HAUS3: variants seen among roughly 807,000 people sequenced by gnomAD.
HAUS3 encodes the protein HAUS augmin-like complex subunit 3.
Under a neutral mutation model 55.2 loss-of-function variants are expected in HAUS3, and 36 were observed. That is an observed-to-expected ratio of 0.65 (90% CI 0.50 to 0.86). The LOEUF is 0.86. Among genes scored for constraint, HAUS3 ranks in the 40% least tolerant of loss-of-function variants. The probability of loss-of-function intolerance (pLI) is 0.00; values close to 1 mark genes in which losing one functional copy is unlikely to be tolerated. For missense variants in HAUS3, 752 were observed against 671.5 expected (o/e 1.12, Z -1.33); for synonymous variants, 234 against 238.6 (o/e 0.98, Z 0.18).
In HAUS3 at chr4:2,230,784, C is replaced by T. The variant is rs1200140277; in HGVS notation, c.*1143G>A. On this transcript the variant is annotated 3_prime_UTR_variant, in exon 6 of 6. Coordinates refer to ENST00000443786, the MANE Select transcript of HAUS3 (RefSeq NM_001303143.2). ...TCCTACAAAGCTCACATGGTATTTA[C>T]CACAGGCCATGTATAAATTGGGCAC... 6.6e-6 allele frequency: 1 copy of T among 152,034 alleles called. No individual in the cohort carries two copies. The highest frequency in any genetic ancestry group is 1.5e-5 in the Non-Finnish European group (1 of 68,034). 9.4% of individuals were successfully genotyped at this position (152,034 alleles called of 1,614,324 possible).
rs1343707743 is a variant in HAUS3 at position 2,228,973 on chromosome 4, A to G, written c.*2954T>C. The G allele has an allele frequency of 5.7e-6, 5 of 872,084 alleles. No individual in the cohort carries two copies. The African/African-American group carries it at 7.0e-5, about 12-fold the overall frequency. The allele number at this position is 872,084 out of a possible 1,614,324, so 54.0% of individuals were successfully genotyped here. ...CAAGCAGAAGCTCAGTCTGCACTGA[A>G]TGAGTGTAAAAGGGGCGGGAGCTGG... is the stretch of plus-strand genomic sequence containing the variant. On this transcript the variant is annotated 3_prime_UTR_variant, in exon 6 of 6. Transcript: ENST00000443786.
rs143565122 is a variant in HAUS3, at chr4:2,239,007, T to G, written c.946A>C (p.Ser316Arg). The G allele has an allele frequency of 1.3e-6, 2 of 1,545,048 alleles. No homozygotes were observed. Among genetic ancestry groups the G allele is most frequent in the South Asian group, 2.5e-5 (2 of 79,300 alleles). The change falls in exon 4 of 6, where the codon AGC (serine) becomes CGC (arginine). Residue 316 changes from serine (S) to arginine (R), a missense_variant. Coordinates refer to ENST00000443786, the MANE Select transcript of HAUS3 (RefSeq NM_001303143.2). ...AGTTTCATAATCTCACTGGTCAAGCTAGAAATTTTAGCATCCAAATTTTCT... is the reference window on the plus strand; with the variant it reads ...AGTTTCATAATCTCACTGGTCAAGCGAGAAATTTTAGCATCCAAATTTTCT... ...DKENLDAKIS[S>R]LTSEIMKLEK...
Position 2,236,333 on chromosome 4 carries a change from T to C in HAUS3, c.1473A>G (p.Val491=). The C allele has an allele frequency of 1.2e-6, 2 of 1,613,302 alleles. No homozygotes were observed. Among genetic ancestry groups the C allele is most frequent in the Non-Finnish European group, 1.7e-6 (2 of 1,179,298 alleles). The change falls in exon 5 of 6, where the codon GTA becomes GTG. Residue 491 remains valine, a synonymous_variant. Coordinates refer to ENST00000443786, the MANE Select transcript of HAUS3 (RefSeq NM_001303143.2). ...NISLVQDQLA[V]SAQEHSFFLS... is the part of the protein sequence containing the mutation. ...GAAAGAAAGAATGTTCTTGAGCAGATACTGCCAACTGATCTTGTACTAAAG... is the reference window on the plus strand; with the variant it reads ...GAAAGAAAGAATGTTCTTGAGCAGACACTGCCAACTGATCTTGTACTAAAG...
In HAUS3 at chr4:2,241,597, G is replaced by T; in HGVS notation, c.-225C>A. ...GGAGAACAGCAGGAGCAGCAGGGAA[G>T]CGCGCGGCCACAATTAAGGGTGCTT... On this transcript the variant is annotated 5_prime_UTR_variant, in exon 2 of 6. Transcript: ENST00000443786. 7 of 985,684 alleles carry T rather than the reference G, an allele frequency of 7.1e-6. No homozygotes were observed. The highest frequency in any genetic ancestry group is 7.2e-6 in the Non-Finnish European group (6 of 830,120). The allele number at this position is 985,684 out of a possible 1,614,324, so 61.1% of individuals were successfully genotyped here.
intron 4 of HAUS3, among the ~76,000 whole-genome samples, chr4:2,238,143 C>T (rs1734834026): frequency 6.6e-6 from 1 of 152,132 alleles, no homozygotes; most frequent in South Asian, 2.1e-4. Flanking sequence ...ATTGCTCAGA[C>T]ATCCAGATGA....
chr4:2,231,865 T>C lies in HAUS3; in HGVS notation c.*62A>G. The C allele has an allele frequency of 1.4e-6, 1 of 739,830 alleles. No homozygotes were observed. The highest frequency in any genetic ancestry group is 1.7e-5 in the South Asian group (1 of 58,282). The allele number at this position is 739,830 out of a possible 1,614,324, so 45.8% of individuals were successfully genotyped here. A position where few individuals can be genotyped will look rare whatever the true frequency, so the allele number is the denominator to read the frequency against. ...ATTTTAAAAATTTAGTAGTGTTTATTATACACAGTCTTCTAATAAATAAAA... is the reference window on the plus strand; with the variant it reads ...ATTTTAAAAATTTAGTAGTGTTTATCATACACAGTCTTCTAATAAATAAAA... On this transcript the variant is annotated 3_prime_UTR_variant, in exon 6 of 6. Transcript: ENST00000443786.
chr4:2,234,906 C>T (rs1734704506), intron 5 of HAUS3, among the ~76,000 whole-genome samples: 1 of 152,100 alleles, frequency 6.6e-6, no homozygotes, highest in Non-Finnish European at 1.5e-5. Context: ...TCTTTTTTGA[C>T]ACCAAGTCTT....
In HAUS3 at chr4:2,240,356, T is replaced by G. The variant is rs372049466; in HGVS notation, c.591A>C (p.Gln197His). ...GACTTAGGTATTTTTCCAAGGAAAA[T>G]TGCGATAAAAATACCAGTGGATTTG... ...QGTNPLVFLS[Q>H]FSLEKYLSQE... is the part of the protein sequence containing the mutation. Residue 197 changes from glutamine (Q) to histidine (H), a missense_variant, in exon 3 of 6, where the codon CAA becomes CAC. Coordinates refer to ENST00000443786, the MANE Select transcript of HAUS3 (RefSeq NM_001303143.2). 11 of 1,602,100 alleles carry G rather than the reference T, an allele frequency of 6.9e-6. No homozygotes were observed. The highest frequency in any genetic ancestry group is 9.4e-6 in the Non-Finnish European group (11 of 1,172,682).
intron 5 of HAUS3, among the ~76,000 whole-genome samples, chr4:2,233,253 C>A (rs1734647040): frequency 6.6e-6 from 1 of 152,094 alleles, no homozygotes; most frequent in Non-Finnish European, 1.5e-5. Flanking sequence ...CAATTAAATA[C>A]TAAAGATCAT....
chr4:2,233,719 TA>T (rs773997711), intron 5 of HAUS3, among the ~76,000 whole-genome samples: 1 of 152,200 alleles, frequency 6.6e-6, no homozygotes, highest in Non-Finnish European at 1.5e-5. Flanking sequence ...TACCTACATC[TA>T]AAAAGATCTT....
In HAUS3 at chr4:2,229,040, T is replaced by G. The variant is rs1734483783; in HGVS notation, c.*2887A>C. The G allele has an allele frequency of 6.7e-7, 1 of 1,492,064 alleles. No individual in the cohort carries two copies. The highest frequency in any genetic ancestry group is 2.0e-5 in the Admixed American group (1 of 51,262). The allele number at this position is 1,492,064 out of a possible 1,614,324, so 92.4% of individuals were successfully genotyped here. A position where few individuals can be genotyped will look rare whatever the true frequency, so the allele number is the denominator to read the frequency against. On this transcript the variant is annotated 3_prime_UTR_variant, in exon 6 of 6. Coordinates refer to ENST00000443786, the MANE Select transcript of HAUS3 (RefSeq NM_001303143.2). ...TGCATTCCATTTTCAATTCTTAGTC[T>G]TTAGAACAATTAACATTCAAAGTAT...
rs1388860176 is a variant in HAUS3, at chr4:2,242,110, G to A, written c.-478C>T. ...GCCGCCACCGCCCTCCGTGCCCCGC[G>A]CGCCTCGCACTGCCTCACGGGAGCG... On this transcript the variant is annotated 5_prime_UTR_variant, in exon 1 of 6. Coordinates refer to ENST00000443786, the MANE Select transcript of HAUS3 (RefSeq NM_001303143.2). 2.0e-6 allele frequency: 2 copies of A among 985,908 alleles called. No individual in the cohort carries two copies. Among genetic ancestry groups the A allele is most frequent in the Non-Finnish European group, 2.4e-6 (2 of 830,264 alleles). The allele number at this position is 985,908 out of a possible 1,614,324, so 61.1% of individuals were successfully genotyped here. A position where few individuals can be genotyped will look rare whatever the true frequency, so the allele number is the denominator to read the frequency against.
chr4:2,242,100 C>T lies in HAUS3; in HGVS notation c.-468G>A, dbSNP rs1161383243. 9.1e-6 allele frequency: 9 copies of T among 985,802 alleles called. No individual in the cohort carries two copies. The highest frequency in any genetic ancestry group is 1.2e-6 in the Non-Finnish European group (1 of 830,294). The allele number at this position is 985,802 out of a possible 1,614,324, so 61.1% of individuals were successfully genotyped here. On this transcript the variant is annotated 5_prime_UTR_variant, in exon 1 of 6. Transcript: ENST00000443786. ...GCAGGAGCCCGCCGCCACCGCCCTC[C>T]GTGCCCCGCGCGCCTCGCACTGCCT... is the stretch of plus-strand genomic sequence containing the variant.
At chr4:2,233,437 A>AT (rs146831054) in intron 5 of HAUS3, among the ~76,000 whole-genome samples, 36,078 of 151,198 alleles carry the variant, frequency 0.24, 6,625 homozygotes, top group African/African-American at 0.5. Flanking sequence ...TCTTGGATGC[A>AT]TTTTTTTTTC....
In HAUS3 at chr4:2,229,065, T is replaced by C. The variant is rs1445463464; in HGVS notation, c.*2862A>G. Reference sequence around the variant, plus strand: ...TTTAGAACAATTAACATTCAAAGTATCAAGAGAAAGAAAGGTTCATAAAAA... The same window carrying C: ...TTTAGAACAATTAACATTCAAAGTACCAAGAGAAAGAAAGGTTCATAAAAA... On this transcript the variant is annotated 3_prime_UTR_variant, in exon 6 of 6. Transcript: ENST00000443786. The C allele has an allele frequency of 6.5e-7, 1 of 1,547,240 alleles. No homozygotes were observed. Among genetic ancestry groups the C allele is most frequent in the South Asian group, 1.2e-5 (1 of 85,644 alleles).
Position 2,229,016 on chromosome 4 carries a change from G to T in HAUS3, c.*2911C>A. 1 of 1,362,288 alleles carries T rather than the reference G, an allele frequency of 7.3e-7. No homozygotes were observed. The highest frequency in any genetic ancestry group is 1.0e-6 in the Non-Finnish European group (1 of 986,826). 84.4% of individuals were successfully genotyped at this position (1,362,288 alleles called of 1,614,324 possible). A position where few individuals can be genotyped will look rare whatever the true frequency, so the allele number is the denominator to read the frequency against. On this transcript the variant is annotated 3_prime_UTR_variant, in exon 6 of 6. Coordinates refer to ENST00000443786, the MANE Select transcript of HAUS3 (RefSeq NM_001303143.2). ...GGAGCTGGGCTTCATCTGTCTACAT[G>T]CATTCCATTTTCAATTCTTAGTCTT... is the stretch of plus-strand genomic sequence containing the variant.
rs1734934865 is a variant in HAUS3 at position 2,240,392 on chromosome 4, T to G, written c.555A>C (p.Leu185Phe). 6.2e-7 allele frequency: 1 copy of G among 1,611,244 alleles called. No individual in the cohort carries two copies. The highest frequency in any genetic ancestry group is 1.3e-5 in the African/African-American group (1 of 74,930). The change falls in exon 3 of 6, where the codon TTA (leucine) becomes TTC (phenylalanine). Residue 185 changes from leucine to phenylalanine, a missense_variant. Transcript: ENST00000443786. Reference protein sequence around the residue: ...QLMMFFRHSNLGQGTNPLVFL... With the variant: ...QLMMFFRHSNFGQGTNPLVFL... The stretch of plus-strand genomic sequence containing the variant: ...ATACCAGTGGATTTGTCCCTTGACC[T>G]AAATTAGAATGTCTGAAGAACATCA...
intron 5 of HAUS3, among the ~76,000 whole-genome samples, chr4:2,232,598 A>C (rs1264266983): frequency 6.6e-6 from 1 of 152,208 alleles, no homozygotes; most frequent in Non-Finnish European, 1.5e-5. Flanking sequence ...TGAAATGAAG[A>C]CCAATAAAAG....
chr4:2,237,292 C>T (rs911564246), intron 4 of HAUS3, among the ~76,000 whole-genome samples: 1 of 151,184 alleles, frequency 6.6e-6, no homozygotes, highest in Admixed American at 6.6e-5. Context: ...TTTAATTAGC[C>T]AGGCATGGTG....
Sources: allele counts gnomAD v4.1 joint callset (sites outside exome capture counted in the v4.1 genomes callset), GRCh38; gene constraint gnomAD v4.1.1; transcripts MANE v1.5; gene names NCBI Gene and HGNC (gene_info 2026-07-23, HGNC 2026-07-21).